DLG2: variants seen among roughly 807,000 people sequenced by gnomAD.
DLG2 encodes discs large MAGUK scaffold protein 2.
A neutral mutation model predicts 132.5 loss-of-function variants in DLG2; 45 were observed. The ratio of observed to expected loss-of-function variants is 0.34; its 90% CI spans 0.27 to 0.44. The LOEUF (loss-of-function observed/expected upper bound fraction) is 0.44, where lower values mean the gene tolerates loss of function less well. DLG2 is among the 20% of genes least tolerant of loss of function. The pLI is 1.00. For synonymous variants in DLG2, 424 were observed against 419.6 expected (o/e 1.01, Z -0.13); for missense variants, 1,045 against 1,196.9 (o/e 0.87, Z 1.87).
chr11:85,209,650 G>A (rs183741873), intron 4 of DLG2, among the ~76,000 whole-genome samples: 54 of 144,860 alleles, frequency 3.7e-4, no homozygotes, highest in African/African-American at 1.3e-3. Context: ...ATGTTGGCTA[G>A]GCTGATCTTG....
intron 6 of DLG2, among the ~76,000 whole-genome samples, chr11:84,536,593 G>A (rs7119480): frequency 0.18 from 27,199 of 152,114 alleles, 2,533 homozygotes; most frequent in South Asian, 0.29. Context: ...GAGTGGAATA[G>A]TGTCACACTT....
At chr11:84,916,929 T>A (rs143108875) in intron 6 of DLG2, among the ~76,000 whole-genome samples, 7 of 152,344 alleles carry the variant, frequency 4.6e-5, no homozygotes, top group Non-Finnish European at 7.3e-5. Context: ...GTTTTAGGTC[T>A]TTACTCCAAG....
intron 9 of DLG2, among the ~76,000 whole-genome samples, chr11:84,146,662 A>C (rs1237059237): frequency 6.6e-6 from 1 of 152,184 alleles, no homozygotes; most frequent in Non-Finnish European, 1.5e-5. Flanking sequence ...CTACCTGACA[A>C]CTTCAGAATA....
At chr11:85,358,029 G>T (rs2083871964) in intron 3 of DLG2, among the ~76,000 whole-genome samples, 1 of 151,302 alleles carries the variant, frequency 6.6e-6, no homozygotes, top group Admixed American at 6.6e-5. Flanking sequence ...CAGCCTCTGA[G>T]AATTAAACCC....
chr11:85,310,522 C>T (rs2152807603), intron 3 of DLG2, among the ~76,000 whole-genome samples: 1 of 152,112 alleles, frequency 6.6e-6, no homozygotes, highest in African/African-American at 2.4e-5. Context: ...CTAAAACAAC[C>T]AGCAGATGTC....
At chr11:84,503,730 T>C (rs1411182887) in intron 7 of DLG2, among the ~76,000 whole-genome samples, 1 of 152,230 alleles carries the variant, frequency 6.6e-6, no homozygotes, top group Non-Finnish European at 1.5e-5. Context: ...CAACAGTATA[T>C]GCATTTGTCT....
intron 7 of DLG2, chr11:84,317,262 A>G: frequency 6.7e-7 from 1 of 1,495,304 alleles, no homozygotes; most frequent in Non-Finnish European, 8.9e-7. Flanking sequence ...ATTCCTCAGT[A>G]TCTTTGACAG....
At chr11:85,006,683 T>C (rs1462153083) in intron 6 of DLG2, among the ~76,000 whole-genome samples, 1 of 152,170 alleles carries the variant, frequency 6.6e-6, no homozygotes, top group Non-Finnish European at 1.5e-5. Context: ...AAACAGTTCC[T>C]GGCTTCACTG....
chr11:84,316,996 G>T (rs1280259559), intron 7 of DLG2: 1 of 1,612,702 alleles, frequency 6.2e-7, no homozygotes, highest in Non-Finnish European at 8.5e-7. Flanking sequence ...AGGAGGGCAT[G>T]GTCTGAGAAC....
At position 84,567,200 on chromosome 11, in the gene DLG2, T is replaced by G. The variant is rs181079554; in HGVS notation, c.358-32469A>C. Reference sequence around the variant, plus strand: ...GAATAGAAAGGAAGAATGGAAAAAATGCATAAAAGGAAGGTATTGAATGTC... The same window carrying G: ...GAATAGAAAGGAAGAATGGAAAAAAGGCATAAAAGGAAGGTATTGAATGTC... On this transcript the variant is annotated intron_variant, in intron 6 of 27. Coordinates refer to ENST00000376104, the MANE Select transcript of DLG2 (RefSeq NM_001142699.3). Among the ~76,000 whole-genome samples, 169 of 152,120 alleles carry G rather than the reference T, an allele frequency of 1.1e-3. 2 individuals are homozygous for G. The highest frequency in any genetic ancestry group is 3.7e-3 in the Admixed American group (56 of 15,282).
At chr11:84,587,171 A>G (rs1335871974) in intron 6 of DLG2, among the ~76,000 whole-genome samples, 5 of 152,190 alleles carry the variant, frequency 3.3e-5, no homozygotes, top group Admixed American at 6.5e-5. Context: ...AGCTATTGTG[A>G]TTAGAAAGTA....
intron 7 of DLG2, among the ~76,000 whole-genome samples, chr11:84,502,297 T>C (rs1431308366): frequency 4.2e-4 from 1 of 2,382 alleles, no homozygotes; most frequent in Admixed American, 4.0e-3. Flanking sequence ...TTTCTTTCTT[T>C]CTTTCTTTCT....
chr11:84,297,565 T>C (rs540576545), intron 7 of DLG2, among the ~76,000 whole-genome samples: 9 of 152,262 alleles, frequency 5.9e-5, no homozygotes, highest in African/African-American at 2.2e-4. Flanking sequence ...CATCATTATC[T>C]CTCGGTTACA....
intron 7 of DLG2, among the ~76,000 whole-genome samples, chr11:84,412,289 T>G (rs1184016819): frequency 1.3e-5 from 2 of 151,650 alleles, no homozygotes; most frequent in Non-Finnish European, 2.9e-5. Flanking sequence ...CATTCTACAT[T>G]TATTTTCTAG....
intron 3 of DLG2, among the ~76,000 whole-genome samples, chr11:85,530,638 C>T (rs1009877514): frequency 3.9e-5 from 6 of 152,088 alleles, no homozygotes; most frequent in African/African-American, 1.4e-4. Flanking sequence ...TTTTCTAATG[C>T]TTTTTTATAG....
intron 7 of DLG2, among the ~76,000 whole-genome samples, chr11:84,364,187 G>A (rs1425120289): frequency 1.3e-5 from 2 of 151,582 alleles, no homozygotes; most frequent in Non-Finnish European, 2.9e-5. Flanking sequence ...TTATTTCATT[G>A]AGAAGTGGTT....
intron 7 of DLG2, among the ~76,000 whole-genome samples, chr11:84,301,107 C>A (rs990641867): frequency 6.6e-6 from 1 of 152,124 alleles, no homozygotes; most frequent in Non-Finnish European, 1.5e-5. Context: ...AAAAATATAT[C>A]CTCACGAGAA....
chr11:85,350,192 T>C (rs913073472), intron 3 of DLG2, among the ~76,000 whole-genome samples: 18 of 152,268 alleles, frequency 1.2e-4, no homozygotes, highest in Non-Finnish European at 2.9e-5. Context: ...ACATATCTGT[T>C]GGCTACATAG....
intron 8 of DLG2, chr11:84,167,111 T>G (rs1312609626): frequency 6.6e-6 from 3 of 456,076 alleles, no homozygotes; most frequent in Non-Finnish European, 1.3e-5. Context: ...ACTTGGAGAG[T>G]CAGTCAAATA....
Sources: gnomAD v4.1 joint callset for allele counts (sites outside exome capture counted in the v4.1 genomes callset) on GRCh38, gnomAD v4.1.1 for gene constraint, MANE v1.5 for transcripts, NCBI Gene and HGNC (gene_info 2026-07-23, HGNC 2026-07-21) for gene names.